BRSK1: variants seen among roughly 807,000 people sequenced by gnomAD.
BRSK1 encodes the protein serine/threonine-protein kinase BRSK1.
A neutral mutation model predicts 86.2 loss-of-function variants in BRSK1; 17 were observed. The ratio of observed to expected loss-of-function variants is 0.20; its 90% CI spans 0.14 to 0.30. BRSK1 has a LOEUF of 0.30. BRSK1 is among the 10% of genes least tolerant of loss of function. BRSK1 has a pLI of 1.00. For synonymous variants in BRSK1, 464 were observed against 440.1 expected (o/e 1.05, Z -0.68); for missense variants, 719 against 1,071.9 (o/e 0.67, Z 4.60).
At chr19:55,307,780 A>ACC (rs2088679826) in intron 17 of BRSK1, among the ~76,000 whole-genome samples, 1 of 120,682 alleles carries the variant, frequency 8.3e-6, no homozygotes, top group African/African-American at 3.1e-5. Context: ...ACACACACAC[A>ACC]CACACACAAT....
chr19:55,304,464 G>T lies in BRSK1; in HGVS notation c.1348-87G>T. ...AAGTTGCAGCATGCACCGGGCCAGC[G>T]TCCGTGAGTGTGCGTGTGAGTGGGG... On this transcript the variant is annotated intron_variant, in intron 13 of 18. Transcript: ENST00000309383. The surrounding 1 kb of genome is among the most constrained non-coding windows in gnomAD (Gnocchi z 5.2). 9 of 1,408,806 alleles carry T rather than the reference G, an allele frequency of 6.4e-6. No homozygotes were observed. The highest frequency in any genetic ancestry group is 8.5e-6 in the Non-Finnish European group (9 of 1,063,288). 87.3% of individuals were successfully genotyped at this position (1,408,806 alleles called of 1,614,324 possible).
chr19:55,289,776 G>A (rs2088377057), intron 4 of BRSK1, among the ~76,000 whole-genome samples, 156 bp downstream of exon 4: 2 of 152,134 alleles, frequency 1.3e-5, no homozygotes, highest in Admixed American at 1.3e-4. Context: ...CCTCCTTTTA[G>A]AGTGTGTAAT....
Position 55,305,544 on chromosome 19 carries a change from T to C in BRSK1, c.1848T>C (p.Pro616=). Residue 616 remains proline, a synonymous_variant, in exon 16 of 19, where the codon CCT becomes CCC. Transcript: ENST00000309383. ...TATTCCTCGTGCTAAAGGACAAACC[T>C]CTCAGCAGCATCAAAGCAGACATCG... ...EQIFLVLKDK[P]LSSIKADIVH... The C allele has an allele frequency of 6.2e-7, 1 of 1,614,116 alleles. No homozygotes were observed. The highest frequency in any genetic ancestry group is 8.5e-7 in the Non-Finnish European group (1 of 1,180,004).
rs755574448 is a variant in BRSK1, at chr19:55,312,051, G to A, written c.2320G>A (p.Gly774Arg). 1.4e-5 allele frequency: 21 copies of A among 1,462,536 alleles called. No homozygotes were observed. Among genetic ancestry groups the A allele is most frequent in the Middle Eastern group, 2.1e-4 (1 of 4,828 alleles). 90.6% of individuals were successfully genotyped at this position (1,462,536 alleles called of 1,614,324 possible). The change falls in exon 19 of 19, where the codon GGG becomes AGG. Residue 774 changes from glycine to arginine, a missense_variant. Transcript: ENST00000309383. ...GGACAAGAAGCTCCTGGCCACCAAC[G>A]GGACCCCTCTGCCCTGACCCCACGG... The part of the protein sequence containing the change: ...PKDKKLLATN[G>R]TPLP
chr19:55,304,206 T>C lies in BRSK1; in HGVS notation c.1347+96T>C. 1 of 1,285,128 alleles carries C rather than the reference T, an allele frequency of 7.8e-7. No individual in the cohort carries two copies. Among genetic ancestry groups the C allele is most frequent in the Non-Finnish European group, 1.1e-6 (1 of 931,776 alleles). 79.6% of individuals were successfully genotyped at this position (1,285,128 alleles called of 1,614,324 possible). ...AGAAACTACAATTCCTGTGCAGTCTTGAGACTTGCTTCTTTGTCCCTGGAG... is the reference window on the plus strand; with the variant it reads ...AGAAACTACAATTCCTGTGCAGTCTCGAGACTTGCTTCTTTGTCCCTGGAG... On this transcript the variant is annotated intron_variant, in intron 13 of 18. Coordinates refer to ENST00000309383, the MANE Select transcript of BRSK1 (RefSeq NM_032430.2). This position sits in a 1 kb window ranked among gnomAD's most constrained non-coding sequence, Gnocchi z 5.2.
intron 4 of BRSK1, among the ~76,000 whole-genome samples, chr19:55,290,680 C>T (rs1600172977): frequency 6.6e-6 from 1 of 151,250 alleles, no homozygotes; most frequent in African/African-American, 2.4e-5. Context: ...CTTGCTCTGT[C>T]ACCCAGGCTG....
At chr19:55,300,596 T>C (rs1057268314) in intron 7 of BRSK1, among the ~76,000 whole-genome samples, 1 of 152,116 alleles carries the variant, frequency 6.6e-6, no homozygotes, top group Non-Finnish European at 1.5e-5. Context: ...CCCAGCACTT[T>C]GGGAGGCTGA....
chr19:55,284,046 G>A lies in BRSK1; in HGVS notation c.-397G>A. On this transcript the variant is annotated 5_prime_UTR_variant, in exon 1 of 19. Transcript: ENST00000309383. ...GAGAAAGGACGAGGTGGCGGGGGGAGGCGGAGAGGAGGAGGAGGCGGAGGA... is the reference window on the plus strand; with the variant it reads ...GAGAAAGGACGAGGTGGCGGGGGGAAGCGGAGAGGAGGAGGAGGCGGAGGA... The A allele has an allele frequency of 8.1e-7, 1 of 1,234,590 alleles. No individual in the cohort carries two copies. The allele number at this position is 1,234,590 out of a possible 1,614,324, so 76.5% of individuals were successfully genotyped here.
chr19:55,303,255 A>G lies in BRSK1; in HGVS notation c.1029-56A>G, dbSNP rs921422250. On this transcript the variant is annotated intron_variant, in intron 10 of 18. Transcript: ENST00000309383. This position sits in a 1 kb window ranked among gnomAD's most constrained non-coding sequence, Gnocchi z 5.1. ...CGGAGGAGACCTCCTCTGAGCATTG[A>G]TGTTGGACCTCAGCCCTCTGCTACC... 47 of 1,364,476 alleles carry G rather than the reference A, an allele frequency of 3.4e-5. No individual in the cohort carries two copies. Among genetic ancestry groups the G allele is most frequent in the Middle Eastern group, 3.6e-4 (2 of 5,626 alleles). The allele number at this position is 1,364,476 out of a possible 1,614,324, so 84.5% of individuals were successfully genotyped here. A position where few individuals can be genotyped will look rare whatever the true frequency, so the allele number is the denominator to read the frequency against.
In BRSK1 at chr19:55,284,502, C is replaced by T. The variant is rs1302984662; in HGVS notation, c.60C>T (p.Pro20=). The change falls in exon 1 of 19, where the codon CCC becomes CCT. Residue 20 remains proline, a synonymous_variant. Coordinates refer to ENST00000309383, the MANE Select transcript of BRSK1 (RefSeq NM_032430.2). The part of the protein sequence containing the change: ...GGSPAYHLPH[P]HPHPPQHAQY... ...CTCCCGCCTACCACCTCCCCCACCC[C>T]CACCCCCACCCACCCCAGCACGCCC... 1 of 1,032,820 alleles carries T rather than the reference C, an allele frequency of 9.7e-7. No homozygotes were observed. Among genetic ancestry groups the T allele is most frequent in the Admixed American group, 3.4e-5 (1 of 29,090 alleles). 64.0% of individuals were successfully genotyped at this position (1,032,820 alleles called of 1,614,324 possible).
At chr19:55,308,298 T>G (rs1369739978) in intron 17 of BRSK1, among the ~76,000 whole-genome samples, 1 of 106,754 alleles carries the variant, frequency 9.4e-6, no homozygotes, top group Non-Finnish European at 1.8e-5. Flanking sequence ...GTGTTGGGAT[T>G]ACAGGCATGA....
rs2088274532 is a variant in BRSK1, at chr19:55,284,255, C to A, written c.-188C>A. 2.2e-6 allele frequency: 1 copy of A among 454,224 alleles called. No individual in the cohort carries two copies. The highest frequency in any genetic ancestry group is 3.8e-5 in the East Asian group (1 of 26,038). 28.1% of individuals were successfully genotyped at this position (454,224 alleles called of 1,614,324 possible). A position where few individuals can be genotyped will look rare whatever the true frequency, so the allele number is the denominator to read the frequency against. ...CCGGGGCCTGACCCCCCCGGGCCAG[C>A]CCCCCCTCCCCCAGCTCCGCGGCCC... On this transcript the variant is annotated 5_prime_UTR_variant, in exon 1 of 19. Transcript: ENST00000309383.
chr19:55,298,841 C>T (rs73053174), intron 7 of BRSK1, among the ~76,000 whole-genome samples: 3 of 152,184 alleles, frequency 2.0e-5, no homozygotes, highest in Admixed American at 6.5e-5. Flanking sequence ...GCTGTGATGT[C>T]CCTTCTGGAG....
chr19:55,305,376 C>A lies in BRSK1; in HGVS notation c.1766+7C>A. The A allele has an allele frequency of 1.2e-6, 2 of 1,614,202 alleles. No individual in the cohort carries two copies. The highest frequency in any genetic ancestry group is 8.5e-7 in the Non-Finnish European group (1 of 1,180,028). ...CGCCAGAGTCCTCCCCGGAGTGAGT[C>A]TCACAGGGAAGGAAAGAGTGGGGAT... is the stretch of plus-strand genomic sequence containing the variant. On this transcript the variant is annotated splice_region_variant and intron_variant, in intron 15 of 18. Coordinates refer to ENST00000309383, the MANE Select transcript of BRSK1 (RefSeq NM_032430.2).
intron 17 of BRSK1, among the ~76,000 whole-genome samples, chr19:55,308,294 G>A (rs1157484237): frequency 1.9e-5 from 2 of 106,596 alleles, no homozygotes; most frequent in African/African-American, 1.3e-4. Flanking sequence ...CAGAGTGTTG[G>A]GATTACAGGC....
chr19:55,308,364 C>CTGTACCTGGCT (rs1555893571), intron 17 of BRSK1, among the ~76,000 whole-genome samples: 1 of 152,082 alleles, frequency 6.6e-6, no homozygotes, highest in African/African-American at 2.4e-5. Flanking sequence ...TTCATGGCCT[C>CTGTACCTGGCT]CGCTAGAAAC....
At chr19:55,291,499 G>A (rs1233002518) in intron 4 of BRSK1, among the ~76,000 whole-genome samples, 2 of 152,172 alleles carry the variant, frequency 1.3e-5, no homozygotes, top group Non-Finnish European at 2.9e-5. Flanking sequence ...AGGCAACAGA[G>A]TGAGACCCTG....
chr19:55,293,595 G>T (rs1215116964), intron 4 of BRSK1, among the ~76,000 whole-genome samples: 1 of 152,022 alleles, frequency 6.6e-6, no homozygotes, highest in Non-Finnish European at 1.5e-5. Context: ...GGCGGATCAT[G>T]AGGTCAGGAG....
intron 7 of BRSK1, among the ~76,000 whole-genome samples, chr19:55,297,533 C>G (rs2088506822): frequency 6.6e-6 from 1 of 152,210 alleles, no homozygotes. Context: ...ATAACGGATA[C>G]TAAGGGCAAT....
Sources: allele counts gnomAD v4.1 joint callset (sites outside exome capture counted in the v4.1 genomes callset), GRCh38; gene constraint gnomAD v4.1.1; non-coding constraint Gnocchi (gnomAD v3.1); transcripts MANE v1.5; gene names NCBI Gene and HGNC (gene_info 2026-07-23, HGNC 2026-07-21).